The following GRXCR1 variants were observed in gnomAD, a reference collection of about 807,000 sequenced individuals.
GRXCR1 encodes the protein glutaredoxin and cysteine rich domain containing 1, also known as glutaredoxin domain-containing cysteine-rich protein 1.
A neutral mutation model predicts 27.3 loss-of-function variants in GRXCR1; 27 were observed. That is an observed-to-expected ratio of 0.99 (90% CI 0.73 to 1.37). GRXCR1 has a LOEUF of 1.37. Among genes scored for constraint, GRXCR1 ranks in the 40% most tolerant of loss-of-function variants. The pLI, the probability that GRXCR1 is intolerant of heterozygous loss-of-function variation, is 0.00. For synonymous variants in GRXCR1, 122 were observed against 131.1 expected, an observed-to-expected ratio of 0.93 and a Z score of 0.47; for missense variants, 379 against 354.4, an observed-to-expected ratio of 1.07 and a Z score of -0.56.
chr4:42,897,239 T>C (rs1447532496), intron 1 of GRXCR1, among the ~76,000 whole-genome samples: 1 of 151,930 alleles, frequency 6.6e-6, no homozygotes, highest in East Asian at 1.9e-4. Flanking sequence ...GGGTCAATGA[T>C]GCAGATAATT....
intron 2 of GRXCR1, among the ~76,000 whole-genome samples, chr4:43,018,691 A>T (rs911144485): frequency 6.6e-6 from 1 of 152,194 alleles, no homozygotes; most frequent in Admixed American, 6.5e-5. Context: ...AAATGGGGGC[A>T]TATATTCTCT....
At chr4:42,921,091 G>A (rs1007385558) in intron 1 of GRXCR1, among the ~76,000 whole-genome samples, 2 of 152,018 alleles carry the variant, frequency 1.3e-5, no homozygotes, top group African/African-American at 2.4e-5. Flanking sequence ...AGATGATGGC[G>A]TTAGGGTTGG....
chr4:42,898,610 A>C (rs1357267716), intron 1 of GRXCR1, among the ~76,000 whole-genome samples: 2 of 152,102 alleles, frequency 1.3e-5, no homozygotes, highest in Non-Finnish European at 2.9e-5. Context: ...GAAAATAATT[A>C]GCATTAAGTA....
chr4:42,952,163 G>A (rs572198972), intron 1 of GRXCR1, among the ~76,000 whole-genome samples: 1 of 152,124 alleles, frequency 6.6e-6, no homozygotes, highest in Non-Finnish European at 1.5e-5. Context: ...TTCATGATCA[G>A]AATTGATAGC....
intron 1 of GRXCR1, among the ~76,000 whole-genome samples, chr4:42,912,578 T>C (rs566609136): frequency 6.6e-6 from 1 of 152,246 alleles, no homozygotes; most frequent in African/African-American, 2.4e-5. Context: ...AGGTTTGGAG[T>C]TCTGTTCATT....
intron 1 of GRXCR1, among the ~76,000 whole-genome samples, chr4:42,899,567 G>T (rs1367352705): frequency 1.3e-5 from 2 of 151,868 alleles, no homozygotes; most frequent in Non-Finnish European, 2.9e-5. Flanking sequence ...TTTTATTTTG[G>T]ATCTTTTTCT....
At chr4:42,960,751 A>G (rs925096093) in intron 1 of GRXCR1, among the ~76,000 whole-genome samples, 2 of 151,828 alleles carry the variant, frequency 1.3e-5, no homozygotes, top group Non-Finnish European at 2.9e-5. Context: ...CACTGAGACA[A>G]TAGTTCATTA....
At chr4:42,971,377 A>G (rs1376389556) in intron 2 of GRXCR1, among the ~76,000 whole-genome samples, 1 of 152,064 alleles carries the variant, frequency 6.6e-6, no homozygotes, top group Non-Finnish European at 1.5e-5. Flanking sequence ...GTATTAGTTC[A>G]TTTTCACACT....
chr4:42,915,769 C>T (rs1394233772), intron 1 of GRXCR1, among the ~76,000 whole-genome samples: 1 of 152,142 alleles, frequency 6.6e-6, no homozygotes, highest in Non-Finnish European at 1.5e-5. Flanking sequence ...TGCTGTGGAG[C>T]CTATGGTTGG....
At chr4:42,958,451 A>C (rs1222745301) in intron 1 of GRXCR1, among the ~76,000 whole-genome samples, 1 of 151,742 alleles carries the variant, frequency 6.6e-6, no homozygotes, top group Non-Finnish European at 1.5e-5. Context: ...AAACTATAAA[A>C]CTCCTAGAAA....
chr4:42,954,109 A>T (rs887949406), intron 1 of GRXCR1, among the ~76,000 whole-genome samples: 3 of 152,156 alleles, frequency 2.0e-5, no homozygotes, highest in Admixed American at 1.3e-4. Context: ...AATGAAAAAA[A>T]CTAAGTCCTT....
intron 1 of GRXCR1, among the ~76,000 whole-genome samples, chr4:42,908,227 C>T (rs2109743020): frequency 6.6e-6 from 1 of 152,314 alleles, no homozygotes; most frequent in African/African-American, 2.4e-5. Context: ...TTATTTTACA[C>T]TGAATTGCTG....
intron 2 of GRXCR1, among the ~76,000 whole-genome samples, chr4:43,017,974 C>T (rs1712978750): frequency 6.6e-6 from 1 of 152,180 alleles, no homozygotes; most frequent in African/African-American, 2.4e-5. Context: ...CAAACCTCAG[C>T]ATGGGAGTGA....
At chr4:42,942,981 G>T (rs753185295) in intron 1 of GRXCR1, among the ~76,000 whole-genome samples, 18 of 152,024 alleles carry the variant, frequency 1.2e-4, no homozygotes, top group Non-Finnish European at 2.4e-4. Context: ...GAGAAGGGAC[G>T]ATGTTTTAGA....
At chr4:43,004,809 C>G (rs1038828931) in intron 2 of GRXCR1, among the ~76,000 whole-genome samples, 1 of 152,162 alleles carries the variant, frequency 6.6e-6, no homozygotes, top group Non-Finnish European at 1.5e-5. Flanking sequence ...TTTACAGGCT[C>G]ATAGATGGAA....
At chr4:43,029,346 A>G (rs970370016) in intron 3 of GRXCR1, among the ~76,000 whole-genome samples, 7 of 152,120 alleles carry the variant, frequency 4.6e-5, no homozygotes, top group Admixed American at 4.6e-4. Context: ...GTGTGTGTGT[A>G]TCCACATTTC....
At chr4:43,004,553 G>A (rs1236092206) in intron 2 of GRXCR1, among the ~76,000 whole-genome samples, 2 of 152,236 alleles carry the variant, frequency 1.3e-5, no homozygotes, top group African/African-American at 2.4e-5. Context: ...TAACCCTGCA[G>A]AGTGACAGGG....
intron 2 of GRXCR1, among the ~76,000 whole-genome samples, chr4:42,990,833 A>C (rs1711949228): frequency 6.6e-6 from 1 of 152,078 alleles, no homozygotes; most frequent in Non-Finnish European, 1.5e-5. Flanking sequence ...CTTTTTACAT[A>C]TATATATGCA....
At chr4:43,005,366 C>T (rs1020009120) in intron 2 of GRXCR1, among the ~76,000 whole-genome samples, 1 of 152,144 alleles carries the variant, frequency 6.6e-6, no homozygotes, top group Non-Finnish European at 1.5e-5. Flanking sequence ...TAGTTTCTGA[C>T]ATTTTTTAGT....
Sources: gnomAD v4.1 joint callset for allele counts (sites outside exome capture counted in the v4.1 genomes callset) on GRCh38, gnomAD v4.1.1 for gene constraint, MANE v1.5 for transcripts, NCBI Gene and HGNC (gene_info 2026-07-23, HGNC 2026-07-21) for gene names.